The following KHDRBS3 variants were observed in gnomAD, a reference collection of about 807,000 sequenced individuals.
KHDRBS3 encodes KH domain-containing, RNA-binding, signal transduction-associated protein 3.
KHDRBS3 carries 23 observed loss-of-function variants against 45.6 expected under a neutral mutation model. The ratio of observed to expected loss-of-function variants is 0.50; its 90% confidence interval spans 0.36 to 0.72. KHDRBS3 has a LOEUF of 0.72. KHDRBS3 is among the 30% of genes least tolerant of loss of function. The pLI is 0.00. For synonymous variants in KHDRBS3, 162 were observed against 156.5 expected (o/e 1.04, Z -0.26); for missense variants, 352 against 424.8 (o/e 0.83, Z 1.51).
At chr8:135,545,222 C>G (rs1250568634) in intron 3 of KHDRBS3, among the ~76,000 whole-genome samples, 1 of 152,046 alleles carries the variant, frequency 6.6e-6, no homozygotes, top group Non-Finnish European at 1.5e-5. Flanking sequence ...CTCTCTTATT[C>G]TCTGCATGTT....
At chr8:135,559,044 A>T (rs1243704429) in intron 5 of KHDRBS3, among the ~76,000 whole-genome samples, 5 of 152,118 alleles carry the variant, frequency 3.3e-5, no homozygotes, top group African/African-American at 4.8e-5. Context: ...TTACAAGGAG[A>T]CATGTGATTA....
In KHDRBS3 at chr8:135,581,924, C is replaced by T. The variant is rs1173128434; in HGVS notation, c.658C>T (p.Arg220Ter). The change falls in exon 6 of 9, where the codon CGA (arginine) becomes TGA (stop). Residue 220 changes from arginine to a stop codon, truncating the protein, a stop_gained. Transcript: ENST00000355849. LOFTEE classifies it high-confidence loss of function. ...TARPVGVVVP[R>*]GTPTPRGVLS... ...CCGGCCAGTTGGAGTTGTAGTACCA[C>T]GAGGGACGCCAACTCCCAGAGGAGT... 2.5e-6 allele frequency: 4 copies of T among 1,611,544 alleles called. No individual in the cohort carries two copies. Among genetic ancestry groups the T allele is most frequent in the South Asian group, 1.1e-5 (1 of 90,688 alleles).
chr8:135,656,139 C>G (rs1242410657), intron 4 of KHDRBS3: 1 of 152,180 alleles, frequency 6.6e-6, no homozygotes, highest in Non-Finnish European at 1.5e-5. Flanking sequence ...TGCCTGAATC[C>G]TCTAAACCCT....
chr8:135,464,558 A>T (rs1821600480), intron 1 of KHDRBS3, among the ~76,000 whole-genome samples: 1 of 152,178 alleles, frequency 6.6e-6, no homozygotes, highest in Admixed American at 6.5e-5. Context: ...CATTCTCTAA[A>T]AATAGGTTCA....
intron 6 of KHDRBS3, among the ~76,000 whole-genome samples, chr8:135,597,771 A>T (rs1829039131): frequency 6.6e-6 from 1 of 152,188 alleles, no homozygotes; most frequent in South Asian, 2.1e-4. Context: ...GCATGATGCA[A>T]GGTTAATATG....
At chr8:135,621,730 C>T (rs2131091108) in intron 7 of KHDRBS3, among the ~76,000 whole-genome samples, 1 of 151,656 alleles carries the variant, frequency 6.6e-6, no homozygotes, top group African/African-American at 2.4e-5. Context: ...GTGCAGTGGT[C>T]CTATGAAGAG....
intron 7 of KHDRBS3, among the ~76,000 whole-genome samples, chr8:135,632,920 C>A (rs149471720): frequency 1.3e-5 from 2 of 152,180 alleles, no homozygotes; most frequent in Non-Finnish European, 2.9e-5. Flanking sequence ...TACTGTGCCC[C>A]CAGATAATAT....
At chr8:135,628,078 C>A (rs1830450476) in intron 7 of KHDRBS3, among the ~76,000 whole-genome samples, 1 of 151,970 alleles carries the variant, frequency 6.6e-6, no homozygotes, top group East Asian at 1.9e-4. Flanking sequence ...TGATTTTTTT[C>A]TTCATCTTTG....
intron 7 of KHDRBS3, among the ~76,000 whole-genome samples, chr8:135,635,160 G>A (rs926731159): frequency 2.0e-5 from 3 of 152,148 alleles, no homozygotes; most frequent in Non-Finnish European, 2.9e-5. Flanking sequence ...CCCATTGCTT[G>A]TAATCTATTT....
chr8:135,464,188 T>C (rs1050276171), intron 1 of KHDRBS3, among the ~76,000 whole-genome samples: 1 of 152,206 alleles, frequency 6.6e-6, no homozygotes, highest in Non-Finnish European at 1.5e-5. Flanking sequence ...AATAAATGTT[T>C]CATTATAGCA....
Position 135,457,845 on chromosome 8 carries a change from C to T in KHDRBS3, c.-22C>T, listed in dbSNP as rs368340313. On this transcript the variant is annotated 5_prime_UTR_variant, in exon 1 of 9. Transcript: ENST00000355849. The surrounding 1 kb of genome is among the most constrained non-coding windows in gnomAD (Gnocchi z 4.4). ...CCCCCGTGCGCCTGGAGTCCACATC[C>T]CGGGCCCGGCGGCCGGCGAGCATGG... 1.2e-5 allele frequency: 18 copies of T among 1,544,006 alleles called. No homozygotes were observed. The highest frequency in any genetic ancestry group is 9.3e-5 in the Admixed American group (5 of 53,608).
intron 6 of KHDRBS3, among the ~76,000 whole-genome samples, chr8:135,603,663 A>T (rs956753974): frequency 2.4e-4 from 36 of 152,266 alleles, no homozygotes; most frequent in African/African-American, 3.8e-4. Context: ...TTCTAAAAAA[A>T]TTTTTTTAAA....
intron 1 of KHDRBS3, among the ~76,000 whole-genome samples, chr8:135,464,832 A>G (rs933029025): frequency 6.6e-6 from 1 of 152,232 alleles, no homozygotes; most frequent in African/African-American, 2.4e-5. Flanking sequence ...ATAGCTAGTA[A>G]CTGGTGAATC....
intron 3 of KHDRBS3, among the ~76,000 whole-genome samples, chr8:135,543,382 C>T (rs190069614): frequency 1.3e-5 from 2 of 152,198 alleles, no homozygotes; most frequent in Admixed American, 6.5e-5. Context: ...TTTCTCATAT[C>T]ATAATGTGTG....
rs1253556528 is a variant in KHDRBS3, at chr8:135,635,826, AT to A, written c.891-9232del. On this transcript the variant is annotated intron_variant, in intron 7 of 8. Transcript: ENST00000355849. ...GCATCATGCATGCATCATTTGAAAA[AT>A]GTCACTTCGCTGCATTATGCGTATC... Among the ~76,000 whole-genome samples the A allele has an allele frequency of 3.9e-5, 6 of 152,336 alleles. No individual in the cohort carries two copies. In the East Asian group the frequency reaches 1.2e-3, roughly 29 times the overall value.
chr8:135,610,911 T>C (rs34951743), intron 7 of KHDRBS3, among the ~76,000 whole-genome samples: 31,057 of 151,716 alleles, frequency 0.2, 3,859 homozygotes, highest in Middle Eastern at 0.29. Flanking sequence ...GACAGTGCCA[T>C]TGAAGAGTTA....
chr8:135,465,417 C>T (rs781366308), intron 1 of KHDRBS3, among the ~76,000 whole-genome samples: 1 of 152,140 alleles, frequency 6.6e-6, no homozygotes, highest in African/African-American at 2.4e-5. Context: ...AAATTCAATA[C>T]ATAAATCATC....
At chr8:135,585,448 G>A (rs1446449574) in intron 6 of KHDRBS3, among the ~76,000 whole-genome samples, 1 of 151,962 alleles carries the variant, frequency 6.6e-6, no homozygotes, top group East Asian at 1.9e-4. Context: ...ATTCCATGAG[G>A]GTAGGCACTC....
chr8:135,605,333 C>G (rs918007811), intron 6 of KHDRBS3, among the ~76,000 whole-genome samples: 3 of 151,850 alleles, frequency 2.0e-5, no homozygotes, highest in Non-Finnish European at 4.4e-5. Context: ...ATCTTTTTTT[C>G]TCTTCCTCAG....
Sources: gnomAD v4.1 joint callset for allele counts (sites outside exome capture counted in the v4.1 genomes callset) on GRCh38, gnomAD v4.1.1 for gene constraint, Gnocchi (gnomAD v3.1) non-coding constraint, MANE v1.5 for transcripts, NCBI Gene and HGNC (gene_info 2026-07-23, HGNC 2026-07-21) for gene names.